Variants in ACYP2 observed in about 807,000 individuals in gnomAD.
The protein encoded by ACYP2 is acylphosphatase 2.
ACYP2 carries 12 observed loss-of-function variants against 11.2 expected under a neutral mutation model. That is an observed-to-expected ratio of 1.08 (90% confidence interval 0.69 to 1.74). The LOEUF (loss-of-function observed/expected upper bound fraction) is 1.74. Among genes scored for constraint, ACYP2 ranks in the 40% most tolerant of loss-of-function variants. The probability of loss-of-function intolerance (pLI) is 0.00; values close to 1 mark genes in which losing one functional copy is unlikely to be tolerated. For synonymous variants in ACYP2, 43 were observed against 32.2 expected (o/e 1.33, Z -1.13); for missense variants, 134 against 101.9 (o/e 1.31, Z -1.35).
intron 2 of ACYP2, among the ~76,000 whole-genome samples, chr2:53,982,511 A>G (rs1671816099): frequency 6.6e-6 from 1 of 152,140 alleles, no homozygotes; most frequent in Non-Finnish European, 1.5e-5. Flanking sequence ...AAACAGACAA[A>G]ACTATAACCA....
chr2:54,233,956 A>G (rs746199535), intron 6 of ACYP2, among the ~76,000 whole-genome samples: 3 of 152,174 alleles, frequency 2.0e-5, no homozygotes, highest in Non-Finnish European at 4.4e-5. Flanking sequence ...GGGTCCTGGG[A>G]TTTAACCATG....
At chr2:53,986,646 A>G (rs555465332) in intron 2 of ACYP2, among the ~76,000 whole-genome samples, 5 of 122,586 alleles carry the variant, frequency 4.1e-5, no homozygotes, top group African/African-American at 9.5e-5. Flanking sequence ...TTTTTTTTAG[A>G]TGAAGTTTCA....
chr2:54,049,960 A>G (rs1464207358), intron 2 of ACYP2, among the ~76,000 whole-genome samples: 1 of 152,160 alleles, frequency 6.6e-6, no homozygotes, highest in Non-Finnish European at 1.5e-5. Flanking sequence ...AGCCAAATCT[A>G]TGCACAAGTG....
intron 2 of ACYP2, among the ~76,000 whole-genome samples, chr2:53,974,107 G>T (rs1671342399): frequency 6.6e-6 from 1 of 151,514 alleles, no homozygotes; most frequent in Non-Finnish European, 1.5e-5. Context: ...GTAGAGACAG[G>T]CTTTCACCAT....
In ACYP2 at chr2:54,111,927, G is replaced by A. The variant is rs1170271574; in HGVS notation, c.278-23526G>A. ...GGTGATGAATTTGAGAGTTACAGGCGGTACCTCCTCACTTCAAATGTCATT... is the reference window on the plus strand; with the variant it reads ...GGTGATGAATTTGAGAGTTACAGGCAGTACCTCCTCACTTCAAATGTCATT... On this transcript the variant is annotated intron_variant, in intron 4 of 6. Coordinates refer to ENST00000607452, the MANE Select transcript of ACYP2 (RefSeq NM_001320586.2). 3.9e-5 allele frequency among the ~76,000 whole-genome samples: 6 copies of A among 152,018 alleles called. No individual in the cohort carries two copies. The East Asian group carries it at 5.8e-4, about 15-fold the overall frequency.
chr2:54,245,483 A>C (rs1156307244), intron 6 of ACYP2, among the ~76,000 whole-genome samples: 1 of 152,016 alleles, frequency 6.6e-6, no homozygotes, highest in African/African-American at 2.4e-5. Flanking sequence ...GTTGGTTTAC[A>C]TTCCCACCAA....
In ACYP2 at chr2:54,132,485, G is replaced by T. The variant is rs536771720; in HGVS notation, c.278-2968G>T. Among the ~76,000 whole-genome samples the T allele has an allele frequency of 4.6e-5, 7 of 151,712 alleles. 1 individual carries two copies. The South Asian group carries it at 8.3e-4, about 18-fold the overall frequency. ...TGCTTTTTTTTCCTTCATACTTGTT[G>T]GGTACCACAGTATACTACCATCAGG... On this transcript the variant is annotated intron_variant, in intron 4 of 6. Coordinates refer to ENST00000607452, the MANE Select transcript of ACYP2 (RefSeq NM_001320586.2).
intron 4 of ACYP2, among the ~76,000 whole-genome samples, chr2:54,093,341 C>A (rs1241524423): frequency 2.0e-5 from 3 of 152,188 alleles, no homozygotes; most frequent in African/African-American, 7.2e-5. Flanking sequence ...ATTGTCTCTG[C>A]AAAATGTGAC....
At chr2:53,986,680 A>T (rs1454039861) in intron 2 of ACYP2, among the ~76,000 whole-genome samples, 1 of 147,478 alleles carries the variant, frequency 6.8e-6, no homozygotes, top group East Asian at 2.0e-4. Flanking sequence ...GATGGAGTGC[A>T]GTGGTGTGAT....
chr2:54,029,788 C>T, intron 2 of ACYP2: 9 of 583,880 alleles, frequency 1.5e-5, no homozygotes, highest in South Asian at 1.3e-4. Context: ...CCAGTTTAGC[C>T]ATGGTGACAC....
At chr2:54,287,690 C>T (rs1262642936) in intron 6 of ACYP2, among the ~76,000 whole-genome samples, 1 of 151,950 alleles carries the variant, frequency 6.6e-6, no homozygotes, top group African/African-American at 2.4e-5. Context: ...GACTGAGGAG[C>T]CAGAGCTGTT....
rs180799509 is a variant in ACYP2, at chr2:54,188,613, G to T, written c.404+49865G>T. On this transcript the variant is annotated intron_variant, in intron 6 of 6. Coordinates refer to ENST00000607452, the MANE Select transcript of ACYP2 (RefSeq NM_001320586.2). ...TAGAATTTTTTATGTAGTACTTTTC[G>T]TATTATAAGATGAACATACATTTCT... Among the ~76,000 whole-genome samples, 41 of 151,960 alleles carry T rather than the reference G, an allele frequency of 2.7e-4. 1 individual carries two copies. The highest frequency in any genetic ancestry group is 2.1e-4 in the South Asian group (1 of 4,818).
intron 5 of ACYP2, among the ~76,000 whole-genome samples, chr2:54,138,089 A>C (rs895282280): frequency 5.3e-5 from 6 of 112,862 alleles, no homozygotes; most frequent in African/African-American, 2.1e-4. Flanking sequence ...TACTTTTGAG[A>C]AGTGTCCATG....
At chr2:54,081,991 C>T (rs181118412) in intron 4 of ACYP2, among the ~76,000 whole-genome samples, 182 of 152,314 alleles carry the variant, frequency 1.2e-3, no homozygotes, top group Admixed American at 3.4e-3. Flanking sequence ...AAGCCTAAGA[C>T]ACAAGTATTT....
intron 6 of ACYP2, among the ~76,000 whole-genome samples, chr2:54,258,884 T>C (rs567611064): frequency 6.6e-6 from 1 of 152,316 alleles, no homozygotes. Flanking sequence ...TGCTGTGCTA[T>C]GAAGTAGCAT....
intron 6 of ACYP2, among the ~76,000 whole-genome samples, chr2:54,222,780 T>C (rs1234264034): frequency 6.6e-6 from 1 of 152,156 alleles, no homozygotes; most frequent in East Asian, 1.9e-4. Context: ...GTCCCCTTCA[T>C]ATGTCCTTGG....
In ACYP2 at chr2:54,267,091, C is replaced by T. The variant is rs1265442302; in HGVS notation, c.405-37597C>T. On this transcript the variant is annotated intron_variant, in intron 6 of 6. Coordinates refer to ENST00000607452, the MANE Select transcript of ACYP2 (RefSeq NM_001320586.2). ...CTCTTGTGGTGGACAAGGTAAGATA[C>T]GGAGTTGAGTGGGGAGAGGCATTGA... 5.3e-5 allele frequency among the ~76,000 whole-genome samples: 8 copies of T among 152,220 alleles called. No homozygotes were observed. The East Asian group carries it at 1.4e-3, about 26-fold the overall frequency.
At chr2:54,263,322 T>C (rs1350774890) in intron 6 of ACYP2, among the ~76,000 whole-genome samples, 3 of 152,288 alleles carry the variant, frequency 2.0e-5, no homozygotes, top group African/African-American at 7.2e-5. Context: ...ATCAAGGGGA[T>C]AGTGCTAAAC....
At chr2:53,973,168 G>A (rs1671258160) in intron 1 of ACYP2, among the ~76,000 whole-genome samples, 1 of 152,216 alleles carries the variant, frequency 6.6e-6, no homozygotes, top group Admixed American at 6.5e-5. Flanking sequence ...AAACCTGAAA[G>A]GGTTTATTGG....
Sources: allele counts gnomAD v4.1 joint callset (sites outside exome capture counted in the v4.1 genomes callset), GRCh38; gene constraint gnomAD v4.1.1; transcripts MANE v1.5; gene names NCBI Gene and HGNC (gene_info 2026-07-23, HGNC 2026-07-21).